Variants in ZNF131 observed in about 807,000 individuals in gnomAD.
ZNF131 encodes the protein zinc finger and BTB domain containing 35.
In ZNF131, 7 loss-of-function variants were observed where a neutral mutation model predicts 60.0. The observed-to-expected ratio is 0.12, with a 90% CI of 0.07 to 0.22. The LOEUF (loss-of-function observed/expected upper bound fraction) is 0.22, where lower values mean the gene tolerates loss of function less well. Among genes scored for constraint, ZNF131 ranks in the 10% least tolerant of loss-of-function variants. The pLI is 1.00. For missense variants in ZNF131, 493 were observed against 740.9 expected, an observed-to-expected ratio of 0.67 and a Z score of 3.88; for synonymous variants, 257 against 253.2, an observed-to-expected ratio of 1.01 and a Z score of -0.14.
chr5:43,127,611 T>C (rs1744716026), intron 3 of ZNF131, among the ~76,000 whole-genome samples: 1 of 152,268 alleles, frequency 6.6e-6, no homozygotes. Context: ...TAATATTCTC[T>C]GAGTATAAAC....
intron 3 of ZNF131, among the ~76,000 whole-genome samples, chr5:43,125,646 G>T (rs556988168): frequency 2.0e-5 from 3 of 151,982 alleles, no homozygotes; most frequent in Non-Finnish European, 2.9e-5. Flanking sequence ...CGGGCGTGGT[G>T]GTGGGCACCT....
chr5:43,123,343 A>C, intron 3 of ZNF131, 33 bp downstream of exon 3: 1 of 1,543,998 alleles, frequency 6.5e-7, no homozygotes, highest in East Asian at 2.3e-5. Flanking sequence ...TTATTTAATA[A>C]ATCAAAGAAG....
chr5:43,131,731 G>A lies in ZNF131; in HGVS notation c.227-7434G>A, dbSNP rs562120946. ...TAAAAATATTAATAAAGGTCAAGAT[G>A]TAAATTGGAACAATAAGCAGTAATT... is the stretch of plus-strand genomic sequence containing the variant. On this transcript the variant is annotated intron_variant, in intron 3 of 6. Transcript: ENST00000682664. Among the ~76,000 whole-genome samples, 9 of 151,770 alleles carry A rather than the reference G, an allele frequency of 5.9e-5. No homozygotes were observed. In the South Asian group the frequency reaches 1.0e-3, roughly 18 times the overall value.
At position 43,155,446 on chromosome 5, in the gene ZNF131, C is replaced by A. The variant is rs143506812; in HGVS notation, c.372-5803C>A. Among the ~76,000 whole-genome samples the A allele has an allele frequency of 2.4e-3, 361 of 152,234 alleles. 1 individual carries two copies. The highest frequency in any genetic ancestry group is 4.6e-3 in the Admixed American group (71 of 15,274). Reference sequence around the variant, plus strand: ...GCAAGTCCAAAACCCAAGTAATAACCGTTGGGTAGAGGCTGCCTCCTTTTG... The same window carrying A: ...GCAAGTCCAAAACCCAAGTAATAACAGTTGGGTAGAGGCTGCCTCCTTTTG... On this transcript the variant is annotated intron_variant, in intron 4 of 6. Transcript: ENST00000682664.
intron 5 of ZNF131, among the ~76,000 whole-genome samples, chr5:43,164,553 A>T (rs1242500253): frequency 6.6e-6 from 1 of 152,244 alleles, no homozygotes; most frequent in Non-Finnish European, 1.5e-5. Context: ...GATAATCAGG[A>T]TAATCAGTAG....
intron 6 of ZNF131, 61 bp from the exon 7 acceptor site, chr5:43,174,386 A>G (rs1751351538): frequency 7.4e-7 from 1 of 1,353,968 alleles, no homozygotes. Context: ...GAATAAATGC[A>G]TTCATATTTC....
chr5:43,169,529 C>T (rs556614609), intron 5 of ZNF131, among the ~76,000 whole-genome samples: 20 of 152,296 alleles, frequency 1.3e-4, no homozygotes, highest in Admixed American at 2.0e-4. Context: ...TGCGGTAGTA[C>T]GGCATTATGC....
chr5:43,168,044 C>T, intron 5 of ZNF131: 1 of 423,214 alleles, frequency 2.4e-6, no homozygotes, highest in South Asian at 1.7e-5. Context: ...GGGAGTTGAG[C>T]ATGCTAGCTC....
Position 43,142,015 on chromosome 5 carries a change from CT to C in ZNF131, c.371+2709del, listed in dbSNP as rs1746897280. Among the ~76,000 whole-genome samples the C allele has an allele frequency of 2.0e-5, 3 of 151,956 alleles. 1 individual carries two copies. The South Asian group carries it at 6.2e-4, about 32-fold the overall frequency. On this transcript the variant is annotated intron_variant, in intron 4 of 6. Coordinates refer to ENST00000682664, the MANE Select transcript of ZNF131 (RefSeq NM_001330707.2). Reference sequence around the variant, plus strand: ...ATGCATGAGCCTTATTTTACTGTTTCTTTGTATGTCTCATCATTTTTTTTGG... The same window carrying C: ...ATGCATGAGCCTTATTTTACTGTTTCTTGTATGTCTCATCATTTTTTTTGG...
At chr5:43,140,315 AG>A (rs942856188) in intron 4 of ZNF131, among the ~76,000 whole-genome samples, 1 of 152,246 alleles carries the variant, frequency 6.6e-6, no homozygotes, top group African/African-American at 2.4e-5. Flanking sequence ...ATAGTTACTA[AG>A]AATAAGAGCT....
chr5:43,143,752 A>G (rs1032528185), intron 4 of ZNF131, among the ~76,000 whole-genome samples: 2 of 152,100 alleles, frequency 1.3e-5, no homozygotes, highest in Non-Finnish European at 2.9e-5. Context: ...CCCATCAAGC[A>G]GTTTACAACT....
intron 4 of ZNF131, among the ~76,000 whole-genome samples, chr5:43,160,650 G>A (rs1217318829): frequency 6.8e-6 from 1 of 147,602 alleles, no homozygotes; most frequent in African/African-American, 2.5e-5. Context: ...AATTGTTCTA[G>A]CATCACTGTT....
chr5:43,175,150 A>G lies in ZNF131; in HGVS notation c.*17A>G. 1 of 1,577,834 alleles carries G rather than the reference A, an allele frequency of 6.3e-7. No homozygotes were observed. Among genetic ancestry groups the G allele is most frequent in the Non-Finnish European group, 8.6e-7 (1 of 1,164,072 alleles). On this transcript the variant is annotated 3_prime_UTR_variant, in exon 7 of 7. Transcript: ENST00000682664. ...TTAGAATGAAATTACACATGAATAT[A>G]TTTTTAAATTTACTTGTTGGGTTTT...
At chr5:43,130,264 C>CAAAAAAAACAAA in intron 3 of ZNF131, among the ~76,000 whole-genome samples, 1 of 68,406 alleles carries the variant, frequency 1.5e-5, no homozygotes, top group South Asian at 8.3e-4. Flanking sequence ...ACTCTGTCTC[C>CAAAAAAAACAAA]AAAAAAAAAA....
At chr5:43,160,912 C>G (rs1749611767) in intron 4 of ZNF131, among the ~76,000 whole-genome samples, 1 of 152,102 alleles carries the variant, frequency 6.6e-6, no homozygotes, top group Admixed American at 6.6e-5. Flanking sequence ...AACTCCCAAC[C>G]TCAGGTGATC....
At chr5:43,139,341 T>C in intron 4 of ZNF131, 32 bp downstream of exon 4, 1 of 1,548,256 alleles carries the variant, frequency 6.5e-7, no homozygotes, top group Admixed American at 2.0e-5. Flanking sequence ...GTTCAGATAG[T>C]CATATTCAGT....
At chr5:43,123,980 T>G (rs907821630) in intron 3 of ZNF131, 2 of 152,200 alleles carry the variant, frequency 1.3e-5, no homozygotes, top group East Asian at 3.8e-4. Context: ...CGTTTGATGT[T>G]GGGCAGGATG....
intron 4 of ZNF131, among the ~76,000 whole-genome samples, chr5:43,160,049 G>A (rs1383799069): frequency 2.6e-5 from 4 of 151,964 alleles, no homozygotes; most frequent in East Asian, 1.9e-4. Context: ...GGTGGCGGGC[G>A]CCTGTAGTCC....
intron 3 of ZNF131, among the ~76,000 whole-genome samples, chr5:43,132,738 C>T (rs967479334): frequency 1.3e-5 from 2 of 152,120 alleles, no homozygotes; most frequent in Non-Finnish European, 2.9e-5. Context: ...GTCTCGAACT[C>T]CTGACCTCAA....
Sources: gnomAD v4.1 joint callset for allele counts (sites outside exome capture counted in the v4.1 genomes callset) on GRCh38, gnomAD v4.1.1 for gene constraint, MANE v1.5 for transcripts, NCBI Gene and HGNC (gene_info 2026-07-23, HGNC 2026-07-21) for gene names.